The following SNCAIP variants were observed in gnomAD, a reference collection of about 807,000 sequenced individuals.
The protein encoded by SNCAIP is synuclein alpha interacting protein, also known as synphilin-1.
A neutral mutation model predicts 86.7 loss-of-function variants in SNCAIP; 43 were observed. That is an observed-to-expected ratio of 0.50 (90% CI 0.39 to 0.64). The LOEUF is 0.64. Ranked by LOEUF, SNCAIP falls within the 30% of genes least tolerant of loss-of-function variation. The pLI is 0.00. For missense variants in SNCAIP, 981 were observed against 1,103.1 expected (o/e 0.89, Z 1.57); for synonymous variants, 417 against 427.2 (o/e 0.98, Z 0.29).
chr5:122,350,165 A>G (rs190148007), intron 1 of SNCAIP, among the ~76,000 whole-genome samples: 1 of 152,338 alleles, frequency 6.6e-6, no homozygotes, highest in Admixed American at 6.5e-5. Flanking sequence ...TACATTTGGA[A>G]TACGTTAAGC....
At position 122,448,594 on chromosome 5, in the gene SNCAIP, T is replaced by A. The variant is rs549182088; in HGVS notation, c.1593-1251T>A. On this transcript the variant is annotated intron_variant, in intron 8 of 10. Coordinates refer to ENST00000261368, the MANE Select transcript of SNCAIP (RefSeq NM_005460.4). ...ATCCTTCCATATTTTATATATATTT[T>A]TATATATATTATATATATTTTTATA... 2.6e-4 allele frequency among the ~76,000 whole-genome samples: 37 copies of A among 141,304 alleles called. 1 individual carries two copies. Among genetic ancestry groups the A allele is most frequent in the Admixed American group, 1.4e-3 (19 of 13,508 alleles). 92.7% of individuals were successfully genotyped at this position (141,304 alleles called of 152,430 possible).
chr5:122,446,472 T>A (rs556473200), intron 8 of SNCAIP, among the ~76,000 whole-genome samples: 17 of 152,360 alleles, frequency 1.1e-4, no homozygotes, highest in African/African-American at 4.1e-4. Context: ...ATTGGTGAAC[T>A]GCTCAAAGTC....
At chr5:122,404,654 C>T (rs898024253) in intron 3 of SNCAIP, among the ~76,000 whole-genome samples, 6 of 152,192 alleles carry the variant, frequency 3.9e-5, no homozygotes, top group Admixed American at 2.6e-4. Flanking sequence ...GCTGGACCTA[C>T]TCTGATAGTC....
intron 1 of SNCAIP, among the ~76,000 whole-genome samples, chr5:122,384,539 A>G (rs1327932899): frequency 1.3e-5 from 2 of 152,190 alleles, no homozygotes; most frequent in Non-Finnish European, 1.5e-5. Flanking sequence ...TGGTTTCCTT[A>G]TCTCCACAAA....
intron 1 of SNCAIP, chr5:122,321,407 C>T (rs1358062404): frequency 1.3e-5 from 2 of 152,094 alleles, no homozygotes; most frequent in African/African-American, 2.4e-5. Context: ...TCTGAGGAGA[C>T]CCTGGGATGC....
At chr5:122,349,829 T>C (rs768891334) in intron 1 of SNCAIP, among the ~76,000 whole-genome samples, 13 of 152,154 alleles carry the variant, frequency 8.5e-5, no homozygotes, top group South Asian at 2.1e-4. Flanking sequence ...CGGGCCATGA[T>C]GTTTTGATGG....
At chr5:122,380,168 C>T (rs1431599612) in intron 1 of SNCAIP, among the ~76,000 whole-genome samples, 8 of 152,108 alleles carry the variant, frequency 5.3e-5, no homozygotes, top group African/African-American at 1.9e-4. Flanking sequence ...TCCATCTGGT[C>T]CTGTACTCTT....
At chr5:122,373,612 A>G (rs1257692848) in intron 1 of SNCAIP, among the ~76,000 whole-genome samples, 1 of 152,198 alleles carries the variant, frequency 6.6e-6, no homozygotes, top group Non-Finnish European at 1.5e-5. Context: ...AAGAAGATGT[A>G]TCACTGGGCA....
intron 1 of SNCAIP, among the ~76,000 whole-genome samples, chr5:122,332,843 G>A (rs1343468989): frequency 6.6e-6 from 1 of 152,148 alleles, no homozygotes; most frequent in South Asian, 2.1e-4. Context: ...GGAGAAGCAG[G>A]GGGCAGAAAA....
intron 2 of SNCAIP, among the ~76,000 whole-genome samples, chr5:122,392,852 A>G (rs1006930674): frequency 7.9e-5 from 12 of 152,210 alleles, no homozygotes; most frequent in African/African-American, 2.9e-4. Context: ...ATTTCACTGA[A>G]TTATACAATA....
At chr5:122,354,400 C>T (rs764305987) in intron 1 of SNCAIP, among the ~76,000 whole-genome samples, 1 of 152,266 alleles carries the variant, frequency 6.6e-6, no homozygotes, top group Non-Finnish European at 1.5e-5. Flanking sequence ...CTTGCGAGTG[C>T]TCCTCTGGGC....
rs532966413 is a variant in SNCAIP, at chr5:122,365,351, C to T, written c.-46-25738C>T. ...TACCAGTGCAAAAAATGTGGGATAC[C>T]GTCTACGGCTAAGCCAAACTTGGCT... is the stretch of plus-strand genomic sequence containing the variant. On this transcript the variant is annotated intron_variant, in intron 1 of 10. Transcript: ENST00000261368. Among the ~76,000 whole-genome samples the T allele has an allele frequency of 2.0e-5, 3 of 152,200 alleles. 1 individual carries two copies. Among genetic ancestry groups the T allele is most frequent in the South Asian group, 4.1e-4 (2 of 4,822 alleles).
chr5:122,463,371 T>G, intron 10 of SNCAIP, 120 bp from the exon 11 acceptor site: 1 of 720,342 alleles, frequency 1.4e-6, no homozygotes. Flanking sequence ...GAATGAAGTG[T>G]TCTTCAGTGT....
chr5:122,420,405 A>G (rs1410540672), intron 3 of SNCAIP, among the ~76,000 whole-genome samples: 1 of 152,166 alleles, frequency 6.6e-6, no homozygotes, highest in Non-Finnish European at 1.5e-5. Flanking sequence ...ATACATAAAT[A>G]TATTGGTACA....
Position 122,450,939 on chromosome 5 carries a change from C to T in SNCAIP, c.2092C>T (p.Arg698Ter), listed in dbSNP as rs758975364. The T allele has an allele frequency of 1.2e-6, 2 of 1,614,078 alleles. No individual in the cohort carries two copies. Among genetic ancestry groups the T allele is most frequent in the Non-Finnish European group, 1.7e-6 (2 of 1,180,008 alleles). Residue 698 changes from arginine to a stop codon, truncating the protein, a stop_gained, in exon 10 of 11, where the codon CGA (arginine) becomes TGA (stop). Transcript: ENST00000261368. LOFTEE classifies it high-confidence loss of function. ...PKTTPVRKAD[R>*]PRPQPIVESV... ...GACTACCCCAGTGAGGAAGGCTGAC[C>T]GACCAAGGCCGCAGCCCATTGTAGA...
At chr5:122,442,660 C>A (rs191604958) in intron 7 of SNCAIP, among the ~76,000 whole-genome samples, 4 of 152,262 alleles carry the variant, frequency 2.6e-5, no homozygotes, top group Admixed American at 2.6e-4. Context: ...ACAAAACACT[C>A]TAATATTTAA....
chr5:122,324,106 A>G (rs1370552432), intron 1 of SNCAIP, among the ~76,000 whole-genome samples: 1 of 152,190 alleles, frequency 6.6e-6, no homozygotes, highest in Non-Finnish European at 1.5e-5. Context: ...CCACAGGGAA[A>G]AATTTCTATT....
At chr5:122,332,687 GA>G (rs1207290115) in intron 1 of SNCAIP, among the ~76,000 whole-genome samples, 1 of 152,210 alleles carries the variant, frequency 6.6e-6, no homozygotes, top group Admixed American at 6.5e-5. Flanking sequence ...GCACTGGAAG[GA>G]AAACCATTCT....
In SNCAIP at chr5:122,449,913, G is replaced by A. The variant is rs147524026; in HGVS notation, c.1661G>A (p.Gly554Asp). ...TTTCTAGAAGCCCAGAAATCAGAGGGCAAGTCACTCCCTTCTTCACCCAGG... is the reference window on the plus strand; with the variant it reads ...TTTCTAGAAGCCCAGAAATCAGAGGACAAGTCACTCCCTTCTTCACCCAGG... The part of the protein sequence containing the change: ...QQFLEAQKSE[G>D]KSLPSSPSSP... Residue 554 changes from glycine (G) to aspartate (D), a missense_variant, in exon 9 of 11, where the codon GGC becomes GAC. Transcript: ENST00000261368. 3.6e-4 allele frequency: 588 copies of A among 1,613,094 alleles called. 2 individuals carry two copies. The African/African-American group carries it at 6.2e-3, about 17-fold the overall frequency.
Sources: gnomAD v4.1 joint callset for allele counts (sites outside exome capture counted in the v4.1 genomes callset) on GRCh38, gnomAD v4.1.1 for gene constraint, MANE v1.5 for transcripts, NCBI Gene and HGNC (gene_info 2026-07-23, HGNC 2026-07-21) for gene names.